Variants in UBE2O observed in about 807,000 individuals in gnomAD.
The protein encoded by UBE2O is ubiquitin conjugating enzyme E2 O.
A neutral mutation model predicts 125.8 loss-of-function variants in UBE2O; 15 were observed. The ratio of observed to expected loss-of-function variants is 0.12; its 90% confidence interval spans 0.08 to 0.18. The LOEUF is 0.18. Among genes scored for constraint, UBE2O ranks in the 10% least tolerant of loss-of-function variants. UBE2O has a pLI of 1.00. For missense variants in UBE2O, 1,280 were observed against 1,723.6 expected, an observed-to-expected ratio of 0.74 and a Z score of 4.56; for synonymous variants, 708 against 703.2, an observed-to-expected ratio of 1.01 and a Z score of -0.11.
At chr17:76,425,291 C>T (rs2072793739) in intron 1 of UBE2O, among the ~76,000 whole-genome samples, 2 of 145,958 alleles carry the variant, frequency 1.4e-5, no homozygotes, top group African/African-American at 2.5e-5. Context: ...TTTTAAAGGA[C>T]CTACTTGGCT....
rs769975013 is a variant in UBE2O at position 76,395,731 on chromosome 17, A to G, written c.2940T>C (p.Asp980=). Residue 980 remains aspartate, a synonymous_variant, in exon 15 of 18, where the codon GAT becomes GAC. Coordinates refer to ENST00000319380, the MANE Select transcript of UBE2O (RefSeq NM_022066.4). This position sits in a 1 kb window ranked among gnomAD's most constrained non-coding sequence, Gnocchi z 5.0. ...PEGIMVKTFE[D]RMDLFSALIK... The stretch of plus-strand genomic sequence containing the variant: ...CCATGCCAAGCCTACTTGCCATTCT[A>G]TCTTCAAAAGTCTTGACCATGATGC... 7 of 1,613,640 alleles carry G rather than the reference A, an allele frequency of 4.3e-6. No individual in the cohort carries two copies. The highest frequency in any genetic ancestry group is 3.3e-5 in the Admixed American group (2 of 59,824).
chr17:76,402,805 A>G lies in UBE2O; in HGVS notation c.589-106T>C. 1.0e-6 allele frequency: 1 copy of G among 957,000 alleles called. No homozygotes were observed. Among genetic ancestry groups the G allele is most frequent in the South Asian group, 1.3e-5 (1 of 74,740 alleles). The allele number at this position is 957,000 out of a possible 1,614,324, so 59.3% of individuals were successfully genotyped here. A position where few individuals can be genotyped will look rare whatever the true frequency, so the allele number is the denominator to read the frequency against. On this transcript the variant is annotated intron_variant, in intron 3 of 17. Transcript: ENST00000319380. The surrounding 1 kb of genome is among the most constrained non-coding windows in gnomAD (Gnocchi z 5.4). ...GAAGACAGGATGGGGGAGGATCTAG[A>G]CAGCTCACTGACTGGACCGGTTGGC...
At chr17:76,425,596 G>A (rs1447329113) in intron 1 of UBE2O, among the ~76,000 whole-genome samples, 1 of 152,078 alleles carries the variant, frequency 6.6e-6, no homozygotes, top group Non-Finnish European at 1.5e-5. Context: ...CCCCTCTGAA[G>A]CCCTTTGCCT....
Position 76,391,829 on chromosome 17 carries a change from C to T in UBE2O, c.3151-16G>A. ...TCTCTGTCCCCTGAAACACACAGGG[C>T]ACCATCAATTCTGTTCCCCAGGCCC... On this transcript the variant is annotated splice_polypyrimidine_tract_variant and intron_variant, in intron 16 of 17. Coordinates refer to ENST00000319380, the MANE Select transcript of UBE2O (RefSeq NM_022066.4). The surrounding 1 kb of genome is among the most constrained non-coding windows in gnomAD (Gnocchi z 8.4). 1.2e-6 allele frequency: 2 copies of T among 1,614,000 alleles called. No homozygotes were observed. Among genetic ancestry groups the T allele is most frequent in the Non-Finnish European group, 1.7e-6 (2 of 1,179,966 alleles).
Position 76,391,024 on chromosome 17 carries a change from G to C in UBE2O, c.3798C>G (p.Ile1266Met). The change falls in exon 18 of 18, where the codon ATC (isoleucine) becomes ATG (methionine). Residue 1266 changes from isoleucine (I) to methionine (M), a missense_variant. By Grantham distance (10) the Ile-to-Met change is conservative (BLOSUM62 1). This residue lies in a region of UBE2O where 233 missense variants were observed against 279.0 expected (regional missense o/e 0.84). Coordinates refer to ENST00000319380, the MANE Select transcript of UBE2O (RefSeq NM_022066.4). This position sits in a 1 kb window ranked among gnomAD's most constrained non-coding sequence, Gnocchi z 8.4. The part of the protein sequence containing the change: ...FPLFPLSKGF[I>M]KSIRGVLTQF... ...GCGTCAGGACACCCCGGATGCTCTT[G>C]ATGAAACCCTTGGAAAGTGGGAAGA... is the stretch of plus-strand genomic sequence containing the variant. The C allele has an allele frequency of 6.2e-7, 1 of 1,613,938 alleles. No individual in the cohort carries two copies. Among genetic ancestry groups the C allele is most frequent in the African/African-American group, 1.3e-5 (1 of 75,058 alleles).
rs776662909 is a variant in UBE2O at position 76,396,665 on chromosome 17, G to A, written c.2272C>T (p.Pro758Ser). 5 of 1,613,590 alleles carry A rather than the reference G, an allele frequency of 3.1e-6. No individual in the cohort carries two copies. The highest frequency in any genetic ancestry group is 4.2e-6 in the Non-Finnish European group (5 of 1,179,972). The change falls in exon 14 of 18, where the codon CCC (proline) becomes TCC (serine). Residue 758 changes from proline (P) to serine (S), a missense_variant. Physicochemically the swap from Pro to Ser is moderately conservative, Grantham distance 74. This residue lies in a region of UBE2O where 210 missense variants were observed against 268.9 expected (regional missense o/e 0.78). Coordinates refer to ENST00000319380, the MANE Select transcript of UBE2O (RefSeq NM_022066.4). This position sits in a 1 kb window ranked among gnomAD's most constrained non-coding sequence, Gnocchi z 6.7. ...VEDEHPKIEE[P>S]PIPPLEQPVA... ...GGCTGCTCCAGGGGTGGGATGGGGGGCTCCTCTATCTTGGGGTGCTCGTCC... is the reference window on the plus strand; with the variant it reads ...GGCTGCTCCAGGGGTGGGATGGGGGACTCCTCTATCTTGGGGTGCTCGTCC...
chr17:76,449,288 A>G (rs1369249548), intron 1 of UBE2O, among the ~76,000 whole-genome samples: 1 of 152,256 alleles, frequency 6.6e-6, no homozygotes, highest in Non-Finnish European at 1.5e-5. Context: ...AAAAAATTTC[A>G]ATGGGGCAAG....
intron 15 of UBE2O, among the ~76,000 whole-genome samples, 170 bp from the exon 16 acceptor site, chr17:76,392,283 A>C (rs1392769255): frequency 6.6e-6 from 1 of 151,950 alleles, no homozygotes; most frequent in South Asian, 2.1e-4. Flanking sequence ...GCTAAGGACA[A>C]ATCTCTCTCT....
At chr17:76,421,789 G>GTAAA (rs2072716943) in intron 1 of UBE2O, among the ~76,000 whole-genome samples, 2 of 152,214 alleles carry the variant, frequency 1.3e-5, no homozygotes, top group South Asian at 4.1e-4. Flanking sequence ...CTTTCATGGA[G>GTAAA]TAAATGCCAC....
intron 1 of UBE2O, among the ~76,000 whole-genome samples, chr17:76,436,630 C>T (rs1007779069): frequency 1.3e-5 from 2 of 152,104 alleles, no homozygotes; most frequent in Admixed American, 1.3e-4. Flanking sequence ...GGTGTCCAGC[C>T]ACCACCTCTC....
In UBE2O at chr17:76,402,185, T is replaced by C. The variant is rs1180895479; in HGVS notation, c.687-58A>G. On this transcript the variant is annotated intron_variant, in intron 4 of 17. Transcript: ENST00000319380. This position sits in a 1 kb window ranked among gnomAD's most constrained non-coding sequence, Gnocchi z 5.4. ...AGGGGACACAGTGAGTACCAAAAAG[T>C]TGCGATTCTGAGATGCCAATGCGCC... 7 of 1,571,136 alleles carry C rather than the reference T, an allele frequency of 4.5e-6. No homozygotes were observed. In the South Asian group the frequency reaches 6.8e-5, roughly 15 times the overall value.
chr17:76,390,576 G>A lies in UBE2O; in HGVS notation c.*367C>T, dbSNP rs956568264. On this transcript the variant is annotated 3_prime_UTR_variant, in exon 18 of 18. Transcript: ENST00000319380. ...ATGCAAGGCACATGTGCTCTCCTGC[G>A]GGTCTGCAGGGAACCGGCCCAGAGA... is the stretch of plus-strand genomic sequence containing the variant. The A allele has an allele frequency of 2.5e-5, 5 of 201,474 alleles. No homozygotes were observed. The highest frequency in any genetic ancestry group is 5.4e-5 in the Admixed American group (1 of 18,372). The allele number at this position is 201,474 out of a possible 1,614,324, so 12.5% of individuals were successfully genotyped here.
chr17:76,413,162 G>A (rs1387657117), intron 1 of UBE2O, among the ~76,000 whole-genome samples: 4 of 152,104 alleles, frequency 2.6e-5, no homozygotes, highest in Admixed American at 6.6e-5. Context: ...CATAAAATAA[G>A]GTACACATAT....
intron 1 of UBE2O, among the ~76,000 whole-genome samples, chr17:76,434,600 C>T (rs1042009084): frequency 6.6e-6 from 1 of 152,020 alleles, no homozygotes. Context: ...CTTATATGGC[C>T]GTGGTTTGCT....
intron 1 of UBE2O, among the ~76,000 whole-genome samples, chr17:76,420,088 C>T (rs920892555): frequency 6.6e-6 from 1 of 152,196 alleles, no homozygotes; most frequent in East Asian, 1.9e-4. Context: ...CTACCCAGCG[C>T]AGCAGTGGCC....
rs150536678 is a variant in UBE2O, at chr17:76,391,630, C to T, written c.3209-17G>A. The T allele has an allele frequency of 3.3e-4, 522 of 1,604,956 alleles. 1 individual carries two copies. In the African/African-American group the frequency reaches 5.6e-3, roughly 17 times the overall value. ...GGATCAGACCTGTGTGGGCGGGACA[C>T]CTTCCCTCAGTGGGTGAGAGAGGCC... On this transcript the variant is annotated splice_polypyrimidine_tract_variant and intron_variant, in intron 17 of 17. Transcript: ENST00000319380. The surrounding 1 kb of genome is among the most constrained non-coding windows in gnomAD (Gnocchi z 8.4).
intron 15 of UBE2O, among the ~76,000 whole-genome samples, chr17:76,392,611 G>GT (rs1567828953): frequency 1.3e-5 from 2 of 151,848 alleles, no homozygotes; most frequent in Non-Finnish European, 2.9e-5. Context: ...AATACTCGAA[G>GT]TGAGTTTTTA....
Position 76,399,607 on chromosome 17 carries a change from G to A in UBE2O, c.1470C>T (p.Asp490=). ...TGGCAGAGGAGGTCACCGAACTGGT[G>A]TCGTCCGTGTCATCAGCAGCCTCAT... is the stretch of plus-strand genomic sequence containing the variant. The part of the protein sequence containing the change: ...ADDEAADDTD[D]TSSVTSSASS... Residue 490 remains aspartate (D), a synonymous_variant, in exon 9 of 18, where the codon GAC becomes GAT. Transcript: ENST00000319380. This position sits in a 1 kb window ranked among gnomAD's most constrained non-coding sequence, Gnocchi z 6.9. 1.2e-6 allele frequency: 2 copies of A among 1,614,230 alleles called. No homozygotes were observed. Among genetic ancestry groups the A allele is most frequent in the Non-Finnish European group, 1.7e-6 (2 of 1,180,048 alleles).
chr17:76,417,524 A>AAT, intron 1 of UBE2O, among the ~76,000 whole-genome samples: 1 of 152,190 alleles, frequency 6.6e-6, no homozygotes, highest in East Asian at 1.9e-4. Context: ...CCTCCTTGTT[A>AAT]ATATGGTCAA....
Sources: gnomAD v4.1 joint callset for allele counts (sites outside exome capture counted in the v4.1 genomes callset) on GRCh38, gnomAD v4.1.1 for gene constraint, gnomAD v4.1.1 regional missense constraint, Gnocchi (gnomAD v3.1) non-coding constraint, MANE v1.5 for transcripts, NCBI Gene and HGNC (gene_info 2026-07-23, HGNC 2026-07-21) for gene names.